The following ASRGL1 variants were observed in gnomAD, a reference collection of about 807,000 sequenced individuals.
ASRGL1 encodes asparaginase and isoaspartyl peptidase 1, also known as isoaspartyl peptidase/L-asparaginase.
ASRGL1 carries 16 observed loss-of-function variants against 22.4 expected under a neutral mutation model. The ratio of observed to expected loss-of-function variants is 0.71; its 90% CI spans 0.48 to 1.08. The LOEUF is 1.08. Ranked by LOEUF, ASRGL1 falls within the 50% of genes least tolerant of loss-of-function variation. The pLI, the probability that ASRGL1 is intolerant of heterozygous loss-of-function variation, is 0.00. For synonymous variants in ASRGL1, 165 were observed against 159.3 expected (o/e 1.04, Z -0.27); for missense variants, 412 against 410.1 (o/e 1.00, Z -0.04).
At chr11:62,396,393 C>T (rs1947433551), downstream of ASRGL1, among the ~76,000 whole-genome samples, 1 of 152,192 alleles carries the variant, frequency 6.6e-6, no homozygotes, top group African/African-American at 2.4e-5. Context: ...CCGTCCATAG[C>T]ACATCTCTTC....
rs1458379544 is a variant in ASRGL1 at position 62,337,936 on chromosome 11, TG to T, written c.-40del. On this transcript the variant is annotated 5_prime_UTR_variant, in exon 2 of 7. Coordinates refer to ENST00000415229, the MANE Select transcript of ASRGL1 (RefSeq NM_001083926.2). The stretch of plus-strand genomic sequence containing the variant: ...CCGCGCGGCTTCCTTGGGCTGGCTT[TG>T]GACGACGCTTTCGCCTTCCTGCTGC... 3 of 1,556,374 alleles carry T rather than the reference TG, an allele frequency of 1.9e-6. No individual in the cohort carries two copies. The highest frequency in any genetic ancestry group is 2.6e-6 in the Non-Finnish European group (3 of 1,151,224).
At chr11:62,372,836 C>A (rs1301348435) in intron 4 of ASRGL1, 3 of 1,602,358 alleles carry the variant, frequency 1.9e-6, no homozygotes, top group Non-Finnish European at 2.6e-6. Context: ...TCTGGGGGGC[C>A]ACCAACACCT....
intron 4 of ASRGL1, among the ~76,000 whole-genome samples, chr11:62,369,913 C>T (rs1946718113): frequency 6.6e-6 from 1 of 152,092 alleles, no homozygotes; most frequent in Non-Finnish European, 1.5e-5. Context: ...GACAGTTTGT[C>T]TAAGATCATT....
intron 4 of ASRGL1, chr11:62,371,740 C>A: frequency 7.3e-6 from 4 of 546,660 alleles, no homozygotes; most frequent in Non-Finnish European, 1.4e-5. Context: ...ATCACAAGGT[C>A]AGGAGATCCA....
Position 62,356,432 on chromosome 11 carries a change from A to C in ASRGL1, c.298A>C (p.Asn100His). ...GAVSAVQCIA[N>H]PIKLARLVME... ...AGTGTCCGCAGTCCAGTGTATAGCA[A>C]ATCCCATTAAACTTGCTCGGCTTGT... is the stretch of plus-strand genomic sequence containing the variant. The change falls in exon 3 of 7, where the codon AAT becomes CAT. Residue 100 changes from asparagine to histidine, a missense_variant. Coordinates refer to ENST00000415229, the MANE Select transcript of ASRGL1 (RefSeq NM_001083926.2). The C allele has an allele frequency of 6.2e-7, 1 of 1,614,214 alleles. No homozygotes were observed. The highest frequency in any genetic ancestry group is 1.1e-5 in the South Asian group (1 of 91,086).
intron 4 of ASRGL1, among the ~76,000 whole-genome samples, chr11:62,359,937 A>T (rs776430318): frequency 2.6e-5 from 4 of 151,482 alleles, no homozygotes; most frequent in Non-Finnish European, 4.4e-5. Flanking sequence ...ATTAATAAAA[A>T]TTTTGTATAT....
chr11:62,354,363 A>G (rs1055093883), intron 2 of ASRGL1, among the ~76,000 whole-genome samples: 15 of 152,318 alleles, frequency 9.8e-5, no homozygotes, highest in South Asian at 2.1e-4. Context: ...GCCTGAAACC[A>G]CCAATGGTAC....
At chr11:62,348,461 T>G (rs913346806) in intron 2 of ASRGL1, among the ~76,000 whole-genome samples, 3 of 151,878 alleles carry the variant, frequency 2.0e-5, no homozygotes, top group African/African-American at 7.3e-5. Context: ...CCCAGCACTT[T>G]GGGAGGCCGA....
intron 4 of ASRGL1, among the ~76,000 whole-genome samples, chr11:62,363,743 TGCTTCAGCAGAAGGAA>T (rs1356400304): frequency 6.6e-6 from 1 of 152,244 alleles, no homozygotes; most frequent in Non-Finnish European, 1.5e-5. Flanking sequence ...CAGTTGCTGC[TGCTTCAGCAGAAGGAA>T]GCTTCTCTAA....
At chr11:62,371,877 C>T (rs1946776809) in intron 4 of ASRGL1, 2 of 545,696 alleles carry the variant, frequency 3.7e-6, no homozygotes, top group South Asian at 2.1e-5. Context: ...TGGCGTGAAC[C>T]CGGGAGGCGG....
chr11:62,362,003 G>A (rs1258752789), intron 4 of ASRGL1, among the ~76,000 whole-genome samples: 2 of 152,150 alleles, frequency 1.3e-5, no homozygotes, highest in Admixed American at 6.5e-5. Context: ...ATTGTTGAAG[G>A]CAAGCCTGTG....
intron 5 of ASRGL1, among the ~76,000 whole-genome samples, chr11:62,390,927 G>C (rs1412298766): frequency 2.6e-5 from 4 of 152,188 alleles, no homozygotes; most frequent in Non-Finnish European, 5.9e-5. Flanking sequence ...CTCAGAGAAG[G>C]CTGTAAGGTT....
intron 4 of ASRGL1, among the ~76,000 whole-genome samples, chr11:62,387,803 T>G (rs1184331859): frequency 6.6e-6 from 1 of 152,232 alleles, no homozygotes; most frequent in Non-Finnish European, 1.5e-5. Context: ...GAGAAAGGAC[T>G]TTGTTTAGCT....
chr11:62,356,482 A>G lies in ASRGL1; in HGVS notation c.333+15A>G. On this transcript the variant is annotated intron_variant, in intron 3 of 6. Transcript: ENST00000415229. ...TCATGGAAAAGGTATATGTGACTAA[A>G]GCAGCCTTTTCCTAATGAATTGTTA... 6.2e-7 allele frequency: 1 copy of G among 1,613,646 alleles called. No homozygotes were observed. The highest frequency in any genetic ancestry group is 8.5e-7 in the Non-Finnish European group (1 of 1,179,628).
chr11:62,354,066 A>G (rs1295727425), intron 2 of ASRGL1, among the ~76,000 whole-genome samples: 1 of 152,240 alleles, frequency 6.6e-6, no homozygotes, highest in East Asian at 1.9e-4. Flanking sequence ...GTTTGCCTAC[A>G]CATGCTAGAC....
intron 4 of ASRGL1, among the ~76,000 whole-genome samples, chr11:62,358,409 C>T (rs1946356124): frequency 6.7e-6 from 1 of 148,542 alleles, no homozygotes. Context: ...CTTATGTTGG[C>T]AGCTGTTGAC....
At chr11:62,354,510 C>G (rs559026799) in intron 2 of ASRGL1, among the ~76,000 whole-genome samples, 4 of 152,160 alleles carry the variant, frequency 2.6e-5, no homozygotes, top group Non-Finnish European at 4.4e-5. Context: ...AGCATCACTA[C>G]TCTTGTGCTT....
At chr11:62,350,941 T>C (rs999121005) in intron 2 of ASRGL1, among the ~76,000 whole-genome samples, 1 of 152,264 alleles carries the variant, frequency 6.6e-6, no homozygotes, top group Non-Finnish European at 1.5e-5. Context: ...ATTTTTGCTT[T>C]CTTTTTCTTG....
At chr11:62,379,613 C>T (rs893843604) in intron 4 of ASRGL1, among the ~76,000 whole-genome samples, 2 of 152,178 alleles carry the variant, frequency 1.3e-5, no homozygotes, top group Non-Finnish European at 2.9e-5. Context: ...CCTACAGTCC[C>T]CTCAGGCAGG....
Sources: gnomAD v4.1 joint callset for allele counts (sites outside exome capture counted in the v4.1 genomes callset) on GRCh38, gnomAD v4.1.1 for gene constraint, MANE v1.5 for transcripts, NCBI Gene and HGNC (gene_info 2026-07-23, HGNC 2026-07-21) for gene names.